RASGRP1: variants seen among roughly 807,000 people sequenced by gnomAD.
RASGRP1 encodes RAS guanyl-releasing protein 1.
In RASGRP1, 37 loss-of-function variants were observed where a neutral mutation model predicts 95.1. That is an observed-to-expected ratio of 0.39 (90% CI 0.30 to 0.51). RASGRP1 has a LOEUF of 0.51. Among genes scored for constraint, RASGRP1 ranks in the 20% least tolerant of loss-of-function variants. RASGRP1 has a pLI of 0.80. For synonymous variants in RASGRP1, 325 were observed against 353.4 expected, an observed-to-expected ratio of 0.92 and a Z score of 0.90; for missense variants, 711 against 965.4, an observed-to-expected ratio of 0.74 and a Z score of 3.49.
At chr15:38,518,505 G>A (rs932946806) in intron 4 of RASGRP1, 82 bp from the exon 5 acceptor site, 2 of 1,405,862 alleles carry the variant, frequency 1.4e-6, no homozygotes, top group Non-Finnish European at 2.0e-6. Flanking sequence ...GGAATTTACT[G>A]CCACAAAGAG....
At chr15:38,503,512 C>G in intron 10 of RASGRP1, 136 bp from the exon 11 acceptor site, 1 of 731,842 alleles carries the variant, frequency 1.4e-6, no homozygotes, top group Non-Finnish European at 2.3e-6. Flanking sequence ...AGCAGAGAAC[C>G]CACAGGCAAT....
At chr15:38,516,517 T>C (rs1371246369) in intron 5 of RASGRP1, among the ~76,000 whole-genome samples, 167 bp from the exon 6 acceptor site, 1 of 152,144 alleles carries the variant, frequency 6.6e-6, no homozygotes, top group Non-Finnish European at 1.5e-5. Context: ...ATCAGTTTTT[T>C]TCCATGGCAG....
rs1890465215 is a variant in RASGRP1 at position 38,489,030 on chromosome 15, A to T, written c.*1524T>A. ...CAAATGGGAACTGATCTTTCATCAA[A>T]GAGAATTCCTAAATGATCTGAATCC... On this transcript the variant is annotated 3_prime_UTR_variant, in exon 17 of 17. Transcript: ENST00000310803. 6.6e-6 allele frequency: 1 copy of T among 152,036 alleles called. No homozygotes were observed. Among genetic ancestry groups the T allele is most frequent in the Non-Finnish European group, 1.5e-5 (1 of 67,884 alleles). 9.4% of individuals were successfully genotyped at this position (152,036 alleles called of 1,614,324 possible). A position where few individuals can be genotyped will look rare whatever the true frequency, so the allele number is the denominator to read the frequency against.
chr15:38,520,999 A>C (rs1218647184), intron 3 of RASGRP1, among the ~76,000 whole-genome samples: 2 of 152,144 alleles, frequency 1.3e-5, no homozygotes, highest in Non-Finnish European at 2.9e-5. Flanking sequence ...CACCAAAACA[A>C]AACAAAAACC....
At chr15:38,536,238 G>A (rs1215538390) in intron 2 of RASGRP1, among the ~76,000 whole-genome samples, 1 of 152,146 alleles carries the variant, frequency 6.6e-6, no homozygotes, top group Non-Finnish European at 1.5e-5. Context: ...TTCCCATGCA[G>A]CACTATAGAC....
At chr15:38,553,673 C>A (rs1893426129) in intron 2 of RASGRP1, among the ~76,000 whole-genome samples, 2 of 152,166 alleles carry the variant, frequency 1.3e-5, no homozygotes, top group Admixed American at 6.5e-5. Context: ...CAGACATCCA[C>A]ATTCTATTTA....
intron 2 of RASGRP1, among the ~76,000 whole-genome samples, chr15:38,531,593 CT>C (rs1158986353): frequency 2.0e-5 from 3 of 152,124 alleles, no homozygotes; most frequent in African/African-American, 7.2e-5. Context: ...CCTTGCACTG[CT>C]TTTCCACAGT....
At chr15:38,544,212 G>C (rs956739171) in intron 2 of RASGRP1, among the ~76,000 whole-genome samples, 3 of 152,118 alleles carry the variant, frequency 2.0e-5, no homozygotes, top group African/African-American at 7.2e-5. Flanking sequence ...GGTTGGAACT[G>C]CGTTATTTCC....
In RASGRP1 at chr15:38,488,506, G is replaced by A. The variant is rs932942944; in HGVS notation, c.*2048C>T. 16 of 151,352 alleles carry A rather than the reference G, an allele frequency of 1.1e-4. No individual in the cohort carries two copies. The highest frequency in any genetic ancestry group is 2.0e-4 in the Admixed American group (3 of 15,172). The allele number at this position is 151,352 out of a possible 1,614,324, so 9.4% of individuals were successfully genotyped here. On this transcript the variant is annotated 3_prime_UTR_variant, in exon 17 of 17. Coordinates refer to ENST00000310803, the MANE Select transcript of RASGRP1 (RefSeq NM_005739.4). ...GGCCCTTGCTGGACTGTAAAAACCT[G>A]TGACTAAACTATTTCCTCTTATCCA... is the stretch of plus-strand genomic sequence containing the variant.
chr15:38,525,487 C>T (rs558716925), intron 3 of RASGRP1, among the ~76,000 whole-genome samples: 1 of 152,324 alleles, frequency 6.6e-6, no homozygotes, highest in South Asian at 2.1e-4. Context: ...ACTTTGTGTG[C>T]TACTGGAAAA....
chr15:38,546,031 A>G (rs1186190397), intron 2 of RASGRP1, among the ~76,000 whole-genome samples: 2 of 152,132 alleles, frequency 1.3e-5, no homozygotes, highest in Non-Finnish European at 2.9e-5. Flanking sequence ...TTTTTTTGGC[A>G]TAGCCATTAT....
chr15:38,549,638 C>T (rs572320828), intron 2 of RASGRP1, among the ~76,000 whole-genome samples: 3 of 104,626 alleles, frequency 2.9e-5, no homozygotes, highest in East Asian at 3.0e-4. Context: ...GTTACAAAAC[C>T]GGCAATCCCT....
chr15:38,502,691 G>C (rs1042437006), intron 11 of RASGRP1, among the ~76,000 whole-genome samples: 1 of 152,092 alleles, frequency 6.6e-6, no homozygotes. Flanking sequence ...AGTTCACTGC[G>C]CAGAGGGATG....
At chr15:38,494,332 C>T in intron 16 of RASGRP1, 50 bp downstream of exon 16, 1 of 1,600,172 alleles carries the variant, frequency 6.2e-7, no homozygotes. Flanking sequence ...CTGGTTTGGC[C>T]CCACTTCTCT....
Position 38,490,129 on chromosome 15 carries a change from G to A in RASGRP1, c.*425C>T, listed in dbSNP as rs1448765071. ...GAAATCTACTTTTGGAATATGGGTA[G>A]TTTTCTATTATTAGCAAGCTTTGGC... On this transcript the variant is annotated 3_prime_UTR_variant, in exon 17 of 17. Coordinates refer to ENST00000310803, the MANE Select transcript of RASGRP1 (RefSeq NM_005739.4). The A allele has an allele frequency of 6.5e-6, 1 of 153,800 alleles. No homozygotes were observed. Among genetic ancestry groups the A allele is most frequent in the Non-Finnish European group, 1.5e-5 (1 of 68,920 alleles). The allele number at this position is 153,800 out of a possible 1,614,324, so 9.5% of individuals were successfully genotyped here. A position where few individuals can be genotyped will look rare whatever the true frequency, so the allele number is the denominator to read the frequency against.
chr15:38,502,650 C>T (rs549408274), intron 11 of RASGRP1, among the ~76,000 whole-genome samples: 10 of 152,276 alleles, frequency 6.6e-5, no homozygotes, highest in East Asian at 5.8e-4. Flanking sequence ...ATCATTAGCA[C>T]GTCAATTATA....
intron 5 of RASGRP1, among the ~76,000 whole-genome samples, chr15:38,517,580 A>C (rs564859759): frequency 2.4e-4 from 36 of 152,278 alleles, no homozygotes; most frequent in African/African-American, 8.7e-4. Context: ...GATGAGTCAC[A>C]TTCTTGCTGA....
intron 10 of RASGRP1, chr15:38,505,074 G>A (rs1891199260): frequency 6.6e-6 from 1 of 152,174 alleles, no homozygotes; most frequent in Non-Finnish European, 1.5e-5. Context: ...TAGAAAGCTA[G>A]AACTTGATCT....
At chr15:38,510,655 T>C (rs1165040070) in intron 8 of RASGRP1, among the ~76,000 whole-genome samples, 1 of 152,120 alleles carries the variant, frequency 6.6e-6, no homozygotes, top group Non-Finnish European at 1.5e-5. Flanking sequence ...ATTACAGTGG[T>C]TTATATTTAT....
Sources: allele counts gnomAD v4.1 joint callset (sites outside exome capture counted in the v4.1 genomes callset), GRCh38; gene constraint gnomAD v4.1.1; transcripts MANE v1.5; gene names NCBI Gene and HGNC (gene_info 2026-07-23, HGNC 2026-07-21).